Variants in AMPD3 observed in about 807,000 individuals in gnomAD.
AMPD3 encodes the protein AMP deaminase 3.
AMPD3 carries 57 observed loss-of-function variants against 82.3 expected under a neutral mutation model. That is an observed-to-expected ratio of 0.69 (90% confidence interval 0.56 to 0.86). The LOEUF is 0.86. Ranked by LOEUF, AMPD3 falls within the 40% of genes least tolerant of loss-of-function variation. The pLI is 0.00. For synonymous variants in AMPD3, 381 were observed against 394.7 expected (o/e 0.97, Z 0.41); for missense variants, 870 against 1,003.8 (o/e 0.87, Z 1.80).
intron 10 of AMPD3, among the ~76,000 whole-genome samples, chr11:10,497,355 C>T (rs10840428): frequency 1.3e-5 from 2 of 151,874 alleles, no homozygotes; most frequent in Non-Finnish European, 2.9e-5. Context: ...GAGGCCCTCA[C>T]ACCATGTGTG....
At position 10,487,360 on chromosome 11, in the gene AMPD3, G is replaced by T; in HGVS notation, c.935G>T (p.Arg312Ile). The change falls in exon 6 of 15, where the codon AGA (arginine) becomes ATA (isoleucine). Residue 312 changes from arginine (R) to isoleucine (I), a missense_variant. By Grantham distance (97) the Arg-to-Ile change is moderately conservative (BLOSUM62 -3). Coordinates refer to ENST00000396553, the MANE Select transcript of AMPD3 (RefSeq NM_001025389.2). ...SNPHRDFYNV[R>I]KVDTHIHAAA... ...CCCCACCGGGACTTCTATAACGTGAGAAAGGTGCGTTAGGGGCGAGTGTTC... is the reference window on the plus strand; with the variant it reads ...CCCCACCGGGACTTCTATAACGTGATAAAGGTGCGTTAGGGGCGAGTGTTC... 6.2e-7 allele frequency: 1 copy of T among 1,614,110 alleles called. No individual in the cohort carries two copies. Among genetic ancestry groups the T allele is most frequent in the Non-Finnish European group, 8.5e-7 (1 of 1,179,974 alleles).
intron 11 of AMPD3, 152 bp downstream of exon 11, chr11:10,500,401 C>G: frequency 8.7e-7 from 1 of 1,152,634 alleles, no homozygotes; most frequent in Non-Finnish European, 1.3e-6. Flanking sequence ...TCAAAACACA[C>G]AGCACTTTCC....
chr11:10,489,305 G>A (rs1591473102), intron 6 of AMPD3, among the ~76,000 whole-genome samples: 1 of 152,194 alleles, frequency 6.6e-6, no homozygotes, highest in African/African-American at 2.4e-5. Context: ...GCCCTGCCCT[G>A]AGCATACGTG....
chr11:10,454,308 C>G (rs1016142436), upstream of AMPD3, among the ~76,000 whole-genome samples: 4 of 152,152 alleles, frequency 2.6e-5, no homozygotes, highest in African/African-American at 9.7e-5. Context: ...TGTCTGAACC[C>G]GATGCAATGG....
intron 2 of AMPD3, among the ~76,000 whole-genome samples, chr11:10,466,865 G>A (rs186259118): frequency 1.3e-5 from 2 of 152,232 alleles, no homozygotes; most frequent in South Asian, 2.1e-4. Flanking sequence ...AGTCTTTGCT[G>A]TTCTGCAGCC....
chr11:10,478,783 C>T, intron 3 of AMPD3, 53 bp downstream of exon 3: 1 of 1,585,734 alleles, frequency 6.3e-7, no homozygotes, highest in Non-Finnish European at 8.6e-7. Flanking sequence ...GGCCAGGGGC[C>T]CCATGGGCCA....
chr11:10,468,343 G>GA (rs142636929), intron 2 of AMPD3, among the ~76,000 whole-genome samples: 62,902 of 139,582 alleles, frequency 0.45, 14,529 homozygotes, highest in East Asian at 0.68. Context: ...CAAATGGAAA[G>GA]AAAAAAAAAA....
intron 2 of AMPD3, chr11:10,473,388 G>C (rs1233499411): frequency 5.1e-6 from 5 of 985,416 alleles, no homozygotes; most frequent in Non-Finnish European, 6.0e-6. Context: ...GGGCAGCTGG[G>C]AAGGATTGAG....
chr11:10,495,070 C>T (rs1312107011), intron 8 of AMPD3, 40 bp downstream of exon 8: 1 of 1,613,624 alleles, frequency 6.2e-7, no homozygotes, highest in African/African-American at 1.3e-5. Context: ...TCTCAGGTGC[C>T]TCCCAACATC....
At chr11:10,483,069 C>T (rs2133892019) in intron 4 of AMPD3, among the ~76,000 whole-genome samples, 1 of 152,280 alleles carries the variant, frequency 6.6e-6, no homozygotes, top group Non-Finnish European at 1.5e-5. Flanking sequence ...TACCTATCTC[C>T]CAGGGCTGTC....
At chr11:10,464,133 C>G (rs890138324) in intron 2 of AMPD3, among the ~76,000 whole-genome samples, 1 of 152,160 alleles carries the variant, frequency 6.6e-6, no homozygotes, top group Non-Finnish European at 1.5e-5. Context: ...AGGTAAAAGG[C>G]TTCGGACAGT....
In AMPD3 at chr11:10,494,472, A is replaced by G. The variant is rs1258385371; in HGVS notation, c.1135-427A>G. On this transcript the variant is annotated intron_variant, in intron 7 of 14. Transcript: ENST00000396553. ...GGAACTGTATGGTTAAAAATGGTTGAAATGGTAAACGTTGTGTTGTACATG... is the reference window on the plus strand; with the variant it reads ...GGAACTGTATGGTTAAAAATGGTTGGAATGGTAAACGTTGTGTTGTACATG... The G allele has an allele frequency of 9.9e-6, 8 of 805,568 alleles. No individual in the cohort carries two copies. The East Asian group carries it at 1.0e-3, about 102-fold the overall frequency. The allele number at this position is 805,568 out of a possible 1,614,324, so 49.9% of individuals were successfully genotyped here.
chr11:10,474,904 G>C (rs780384855), intron 2 of AMPD3, among the ~76,000 whole-genome samples: 2 of 152,220 alleles, frequency 1.3e-5, no homozygotes, highest in Non-Finnish European at 2.9e-5. Flanking sequence ...AGGTGAGATA[G>C]TGGACAGACA....
intron 8 of AMPD3, 123 bp from the exon 9 acceptor site, chr11:10,495,447 G>C (rs7105307): frequency 0.082 from 129,102 of 1,571,038 alleles, 6,028 homozygotes; most frequent in African/African-American, 0.17. Context: ...GGATTTAGAT[G>C]AGTGCTTCCA....
Position 10,500,199 on chromosome 11 carries a change from C to T in AMPD3, c.1671C>T (p.Tyr557=), listed in dbSNP as rs1307601762. 1 of 1,614,112 alleles carries T rather than the reference C, an allele frequency of 6.2e-7. No individual in the cohort carries two copies. Among genetic ancestry groups the T allele is most frequent in the Non-Finnish European group, 8.5e-7 (1 of 1,180,036 alleles). ...WTSEQNPPYS[Y]YLYYMYANIM... is the part of the protein sequence containing the mutation. Reference sequence around the variant, plus strand: ...GTGAGCAGAACCCACCCTACAGCTACTACCTGTACTACATGTATGCCAACA... The same window carrying T: ...GTGAGCAGAACCCACCCTACAGCTATTACCTGTACTACATGTATGCCAACA... Residue 557 remains tyrosine, a synonymous_variant, in exon 11 of 15, where the codon TAC becomes TAT. Transcript: ENST00000396553.
chr11:10,460,032 C>T (rs908346951), intron 1 of AMPD3, among the ~76,000 whole-genome samples: 1 of 144,316 alleles, frequency 6.9e-6, no homozygotes, highest in Admixed American at 7.0e-5. Flanking sequence ...TGTATGTATA[C>T]ATATATAAAA....
At chr11:10,502,532 T>C in intron 12 of AMPD3, 189 bp from the exon 13 acceptor site, 1 of 985,424 alleles carries the variant, frequency 1.0e-6, no homozygotes, top group Non-Finnish European at 1.2e-6. Context: ...AGGAATGAGA[T>C]GAACAGTGGG....
intron 6 of AMPD3, 32 bp downstream of exon 6, chr11:10,487,396 C>T (rs751646547): frequency 3.7e-6 from 6 of 1,612,726 alleles, no homozygotes; most frequent in Non-Finnish European, 5.1e-6. Context: ...ACAGCTGCCT[C>T]ACCCGGTCCC....
Position 10,455,873 on chromosome 11 carries a change from C to T in AMPD3, c.-6+425C>T, listed in dbSNP as rs1000172404. On this transcript the variant is annotated intron_variant, in intron 1 of 14. Coordinates refer to ENST00000396553, the MANE Select transcript of AMPD3 (RefSeq NM_001025389.2). ...AGGTCGGGCTGTACCTGAGACCAAT[C>T]CCCTTGATAAAATGCAGCCAGGCCT... The T allele has an allele frequency of 4.1e-6, 4 of 981,252 alleles. No individual in the cohort carries two copies. The African/African-American group carries it at 7.0e-5, about 17-fold the overall frequency. 60.8% of individuals were successfully genotyped at this position (981,252 alleles called of 1,614,324 possible).
Sources: gnomAD v4.1 joint callset for allele counts (sites outside exome capture counted in the v4.1 genomes callset) on GRCh38, gnomAD v4.1.1 for gene constraint, MANE v1.5 for transcripts, NCBI Gene and HGNC (gene_info 2026-07-23, HGNC 2026-07-21) for gene names.